Variants in XKR6 observed in about 807,000 individuals in gnomAD.
XKR6 encodes the protein XK-related protein 6.
In XKR6, 22 loss-of-function variants were observed where a neutral mutation model predicts 56.7. The ratio of observed to expected loss-of-function variants is 0.39; its 90% CI spans 0.28 to 0.55. XKR6 has a LOEUF of 0.55. XKR6 is among the 20% of genes least tolerant of loss of function. The pLI is 0.66. For synonymous variants in XKR6, 524 were observed against 387.8 expected (o/e 1.35, Z -4.13); for missense variants, 852 against 889.0 (o/e 0.96, Z 0.53).
intron 1 of XKR6, chr8:11,105,809 C>T (rs1798654493): frequency 6.6e-6 from 1 of 152,234 alleles, no homozygotes; most frequent in Admixed American, 6.5e-5. Context: ...GCAACTCTCA[C>T]TGGGGAAATA....
chr8:11,071,275 T>C (rs1033552580), intron 1 of XKR6, among the ~76,000 whole-genome samples: 1 of 152,112 alleles, frequency 6.6e-6, no homozygotes, highest in African/African-American at 2.4e-5. Flanking sequence ...GTTTTGCTAT[T>C]GTTGTCCAGG....
At chr8:10,911,753 G>GTA (rs946939666) in intron 2 of XKR6, among the ~76,000 whole-genome samples, 71 of 148,250 alleles carry the variant, frequency 4.8e-4, no homozygotes, top group Non-Finnish European at 8.1e-4. Context: ...GGGCAAGTGT[G>GTA]TATATATATA....
chr8:11,123,990 C>T (rs1326001322), intron 1 of XKR6: 4 of 456,180 alleles, frequency 8.8e-6, no homozygotes, highest in South Asian at 1.5e-5. Context: ...CCGTGAGCAG[C>T]CTCTCTAAAA....
chr8:10,959,905 C>T (rs1802009785), intron 1 of XKR6, among the ~76,000 whole-genome samples: 1 of 152,088 alleles, frequency 6.6e-6, no homozygotes, highest in Non-Finnish European at 1.5e-5. Flanking sequence ...TTTCTGTGAC[C>T]AGGGCTGGAA....
chr8:11,149,613 T>TA (rs879750174), intron 1 of XKR6, among the ~76,000 whole-genome samples: 1,895 of 145,314 alleles, frequency 0.013, 35 homozygotes, highest in African/African-American at 0.042. Flanking sequence ...TGCTTCACGT[T>TA]AAAAAAAAAA....
chr8:11,162,025 C>G (rs771121328), intron 1 of XKR6, among the ~76,000 whole-genome samples: 5 of 152,076 alleles, frequency 3.3e-5, no homozygotes, highest in Admixed American at 3.3e-4. Context: ...AGTTCTACAT[C>G]TAGAAAGCAA....
intron 1 of XKR6, among the ~76,000 whole-genome samples, chr8:11,030,009 T>A (rs1322138655): frequency 6.6e-6 from 1 of 152,134 alleles, no homozygotes; most frequent in Non-Finnish European, 1.5e-5. Context: ...CCAAACCATG[T>A]AGATCACTCC....
intron 1 of XKR6, among the ~76,000 whole-genome samples, chr8:10,988,968 A>G (rs1797926897): frequency 6.6e-6 from 1 of 152,258 alleles, no homozygotes; most frequent in South Asian, 2.1e-4. Flanking sequence ...TCCTGGACAC[A>G]TAAAATACTT....
At chr8:10,980,861 A>G (rs1797718166) in intron 1 of XKR6, among the ~76,000 whole-genome samples, 1 of 152,010 alleles carries the variant, frequency 6.6e-6, no homozygotes, top group African/African-American at 2.4e-5. Context: ...CTGTCTGTCT[A>G]TTTCTGTATC....
intron 1 of XKR6, among the ~76,000 whole-genome samples, chr8:11,039,495 G>T (rs1799230307): frequency 6.6e-6 from 1 of 152,236 alleles, no homozygotes; most frequent in Non-Finnish European, 1.5e-5. Context: ...ACTTCTGTGT[G>T]CCTTTTCTCT....
chr8:10,916,030 G>C (rs1800554279), intron 2 of XKR6, among the ~76,000 whole-genome samples: 1 of 152,224 alleles, frequency 6.6e-6, no homozygotes. Flanking sequence ...TGCCGCTGGG[G>C]CTGAAAGCCC....
chr8:11,005,112 T>C lies in XKR6; in HGVS notation c.765-80282A>G, dbSNP rs140473119. On this transcript the variant is annotated intron_variant, in intron 1 of 2. Transcript: ENST00000416569. ...GTACAGAACTCTATATATACTAAGT[T>C]TTTTTCTCATACAGTCACATTGTAT... Among the ~76,000 whole-genome samples, 130 of 152,122 alleles carry C rather than the reference T, an allele frequency of 8.5e-4. 1 individual carries two copies. Among genetic ancestry groups the C allele is most frequent in the Admixed American group, 2.6e-3 (40 of 15,288 alleles).
chr8:11,160,212 A>T (rs1378813061), intron 1 of XKR6, among the ~76,000 whole-genome samples: 1 of 152,178 alleles, frequency 6.6e-6, no homozygotes, highest in African/African-American at 2.4e-5. Context: ...AAAAAAAAGT[A>T]AATTCCTTAT....
At chr8:11,021,777 A>G (rs1015552493) in intron 1 of XKR6, among the ~76,000 whole-genome samples, 10 of 152,162 alleles carry the variant, frequency 6.6e-5, no homozygotes, top group Admixed American at 5.9e-4. Context: ...TAAGACTGAC[A>G]GCCTCCTGAG....
chr8:11,072,700 C>T (rs1056657196), intron 1 of XKR6, among the ~76,000 whole-genome samples: 3 of 152,176 alleles, frequency 2.0e-5, no homozygotes, highest in African/African-American at 7.2e-5. Context: ...GGTCAGAGGG[C>T]AAAACAGGTG....
intron 1 of XKR6, among the ~76,000 whole-genome samples, chr8:11,133,134 G>A (rs1800197985): frequency 6.6e-6 from 1 of 152,140 alleles, no homozygotes; most frequent in South Asian, 2.1e-4. Flanking sequence ...AAGGGAGAGG[G>A]TGTGGGTACG....
intron 1 of XKR6, chr8:11,106,603 C>T (rs1229142249): frequency 6.6e-6 from 1 of 152,330 alleles, no homozygotes; most frequent in African/African-American, 2.4e-5. Context: ...AATCCCAGCA[C>T]TTTGGGAGGC....
At chr8:10,936,006 A>T in intron 1 of XKR6, among the ~76,000 whole-genome samples, 1 of 149,590 alleles carries the variant, frequency 6.7e-6, no homozygotes, top group Non-Finnish European at 1.5e-5. Flanking sequence ...GGGGTGTTAA[A>T]CTCTCCCATT....
In XKR6 at chr8:11,201,313, G is replaced by A; in HGVS notation, c.27C>T (p.Gly9=). MAAKSDGG[G]VGVGFAQLHN... ...GCAGCTGAGCGAAGCCCACCCCCAC[G>A]CCACCGCCATCGGATTTCGCCGCCA... The change falls in exon 1 of 3, where the codon GGC becomes GGT. Residue 9 remains glycine, a synonymous_variant. Coordinates refer to ENST00000416569, the MANE Select transcript of XKR6 (RefSeq NM_173683.4). The A allele has an allele frequency of 2.3e-6, 3 of 1,329,622 alleles. No homozygotes were observed. Among genetic ancestry groups the A allele is most frequent in the Non-Finnish European group, 3.0e-6 (3 of 1,016,708 alleles). 82.4% of individuals were successfully genotyped at this position (1,329,622 alleles called of 1,614,324 possible).
Sources: allele counts gnomAD v4.1 joint callset (sites outside exome capture counted in the v4.1 genomes callset), GRCh38; gene constraint gnomAD v4.1.1; transcripts MANE v1.5; gene names NCBI Gene and HGNC (gene_info 2026-07-23, HGNC 2026-07-21).